Variants in ZNF184 observed in about 807,000 individuals in gnomAD.
The protein encoded by ZNF184 is zinc finger protein 184, also known as zinc finger protein 184 (Kruppel-like).
ZNF184 carries 16 observed loss-of-function variants against 54.4 expected under a neutral mutation model. The ratio of observed to expected loss-of-function variants is 0.29; its 90% CI spans 0.20 to 0.45. The LOEUF is 0.45. Among genes scored for constraint, ZNF184 ranks in the 20% least tolerant of loss-of-function variants. The pLI, the probability that ZNF184 is intolerant of heterozygous loss-of-function variation, is 1.00. For missense variants in ZNF184, 681 were observed against 888.2 expected (o/e 0.77, Z 2.97); for synonymous variants, 254 against 295.3 (o/e 0.86, Z 1.43).
intron 3 of ZNF184, among the ~76,000 whole-genome samples, chr6:27,458,997 G>A (rs1310923299): frequency 2.0e-5 from 3 of 152,064 alleles, no homozygotes; most frequent in Non-Finnish European, 4.4e-5. Context: ...GATAAATATC[G>A]CATGTTCTCA....
At chr6:27,415,249 A>T in the ZNF184 span, among the ~76,000 whole-genome samples, 1 of 152,138 alleles carries the variant, frequency 6.6e-6, no homozygotes, top group East Asian at 1.9e-4. Context: ...CATCAACTTT[A>T]TGCTTCTAAT....
At chr6:27,426,482 C>A in the ZNF184 span, among the ~76,000 whole-genome samples, 1 of 152,156 alleles carries the variant, frequency 6.6e-6, no homozygotes, top group African/African-American at 2.4e-5. The surrounding 1 kb of genome is among the most constrained non-coding windows in gnomAD (Gnocchi z 4.2). Flanking sequence ...ACCTTCTGTC[C>A]TTCACAGTGT....
intron 3 of ZNF184, among the ~76,000 whole-genome samples, chr6:27,466,897 G>T (rs1010186523): frequency 6.6e-6 from 1 of 152,036 alleles, no homozygotes; most frequent in African/African-American, 2.4e-5. Flanking sequence ...ATCATTAATG[G>T]TTCATAAATG....
chr6:27,459,617 T>C (rs192894997), intron 3 of ZNF184, among the ~76,000 whole-genome samples: 25 of 152,240 alleles, frequency 1.6e-4, no homozygotes, highest in African/African-American at 5.8e-4. Flanking sequence ...ACAAGATCTA[T>C]CAAAACTTTA....
At chr6:27,422,947 C>CG in the ZNF184 span, among the ~76,000 whole-genome samples, 1 of 152,140 alleles carries the variant, frequency 6.6e-6, no homozygotes, top group Non-Finnish European at 1.5e-5. Flanking sequence ...TCCTAGGTCC[C>CG]GCATCCCCTT....
the ZNF184 span, among the ~76,000 whole-genome samples, chr6:27,427,206 TA>T: frequency 6.7e-6 from 1 of 149,176 alleles, no homozygotes; most frequent in Admixed American, 6.8e-5. Flanking sequence ...ATGAACAAAA[TA>T]ATTAAAGTGG....
chr6:27,450,705 A>G (rs1762692383), downstream of ZNF184: 2 of 151,908 alleles, frequency 1.3e-5, no homozygotes, highest in Admixed American at 1.3e-4. Context: ...GTGGAATTCT[A>G]TAGTTGTGGT....
downstream of ZNF184, among the ~76,000 whole-genome samples, chr6:27,450,398 C>T (rs1009552933): frequency 7.8e-6 from 1 of 128,226 alleles, no homozygotes; most frequent in African/African-American, 2.8e-5. Context: ...AGGGTAGAGC[C>T]CTCACCAATG....
At chr6:27,409,514 A>AC in the ZNF184 span, among the ~76,000 whole-genome samples, 137 of 150,488 alleles carry the variant, frequency 9.1e-4, 1 homozygote, top group African/African-American at 3.2e-3. Context: ...AAAAAAAAAA[A>AC]AAAAAAACAC....
the ZNF184 span, among the ~76,000 whole-genome samples, chr6:27,442,190 T>C: frequency 6.6e-6 from 1 of 152,222 alleles, no homozygotes; most frequent in African/African-American, 2.4e-5. Flanking sequence ...GCCTGGATTC[T>C]GTATATTACC....
the ZNF184 span, among the ~76,000 whole-genome samples, chr6:27,421,312 G>T: frequency 6.6e-6 from 1 of 152,186 alleles, no homozygotes; most frequent in African/African-American, 2.4e-5. Context: ...TAATGGGAGA[G>T]GCTATGCCTT....
chr6:27,429,368 T>C, the ZNF184 span, among the ~76,000 whole-genome samples: 3 of 152,216 alleles, frequency 2.0e-5, no homozygotes, highest in African/African-American at 7.2e-5. Context: ...GTCTAAAGCA[T>C]TCTTTCTCAG....
At chr6:27,422,184 G>GAA in the ZNF184 span, among the ~76,000 whole-genome samples, 2 of 26,704 alleles carry the variant, frequency 7.5e-5, no homozygotes, top group African/African-American at 9.9e-5. Context: ...AAGAAAGAAA[G>GAA]AAAGAAAGAA....
chr6:27,465,162 T>A (rs1763097254), intron 3 of ZNF184, among the ~76,000 whole-genome samples: 1 of 69,444 alleles, frequency 1.4e-5, no homozygotes, highest in Non-Finnish European at 3.2e-5. Flanking sequence ...GTTCTGTTAT[T>A]TAAAAAAAAA....
chr6:27,420,183 G>A, the ZNF184 span, among the ~76,000 whole-genome samples: 35 of 152,218 alleles, frequency 2.3e-4, no homozygotes, highest in Middle Eastern at 3.4e-3. Context: ...CTAAGTATCC[G>A]ATAAATGCTT....
chr6:27,438,716 A>T, the ZNF184 span, among the ~76,000 whole-genome samples: 1 of 152,178 alleles, frequency 6.6e-6, no homozygotes, highest in African/African-American at 2.4e-5. Context: ...ATAATTAAGA[A>T]TTTGGGGGCC....
the ZNF184 span, among the ~76,000 whole-genome samples, chr6:27,438,375 G>A: frequency 6.6e-6 from 1 of 152,254 alleles, no homozygotes; most frequent in Non-Finnish European, 1.5e-5. Flanking sequence ...ACAGGAAAAG[G>A]AAATACTGGA....
At chr6:27,424,307 G>A in the ZNF184 span, among the ~76,000 whole-genome samples, 3 of 152,218 alleles carry the variant, frequency 2.0e-5, no homozygotes, top group Admixed American at 6.5e-5. Flanking sequence ...AGAGTAAGCA[G>A]CAGCAAGATT....
chr6:27,452,738 C>A lies in ZNF184; in HGVS notation c.821G>T (p.Gly274Val), dbSNP rs757695090. The A allele has an allele frequency of 1.2e-6, 2 of 1,614,116 alleles. No homozygotes were observed. Among genetic ancestry groups the A allele is most frequent in the Non-Finnish European group, 1.7e-6 (2 of 1,180,020 alleles). Residue 274 changes from glycine (G) to valine (V), a missense_variant, in exon 6 of 6, where the codon GGA becomes GTA. By Grantham distance (109) the Gly-to-Val change is moderately radical. Coordinates refer to ENST00000683788, the MANE Select transcript of ZNF184 (RefSeq NM_001318891.2). The surrounding 1 kb of genome is among the most constrained non-coding windows in gnomAD (Gnocchi z 5.5). ...NLINHQRIHT[G>V]DKPYKCDQCG... is the part of the protein sequence containing the mutation. ...CTGATCACATTTATATGGTTTATCTCCAGTATGAATTCTTTGATGGTTTAT... is the reference window on the plus strand; with the variant it reads ...CTGATCACATTTATATGGTTTATCTACAGTATGAATTCTTTGATGGTTTAT...
Sources: gnomAD v4.1 joint callset for allele counts (sites outside exome capture counted in the v4.1 genomes callset) on GRCh38, gnomAD v4.1.1 for gene constraint, Gnocchi (gnomAD v3.1) non-coding constraint, MANE v1.5 for transcripts, NCBI Gene and HGNC (gene_info 2026-07-23, HGNC 2026-07-21) for gene names.